Variants in COX10 observed in about 807,000 individuals in gnomAD.
COX10 encodes protoheme IX farnesyltransferase, mitochondrial.
Under a neutral mutation model 37.3 loss-of-function variants are expected in COX10, and 27 were observed. The ratio of observed to expected loss-of-function variants is 0.72; its 90% CI spans 0.53 to 1.00. COX10 has a LOEUF of 1.00. COX10 is among the 50% of genes least tolerant of loss of function. COX10 has a pLI of 0.00. For synonymous variants in COX10, 222 were observed against 229.1 expected (o/e 0.97, Z 0.28); for missense variants, 475 against 563.2 (o/e 0.84, Z 1.59).
At position 14,207,070 on chromosome 17, in the gene COX10, T is replaced by G. The variant is rs1158118060; in HGVS notation, c.1189T>G (p.Phe397Val). The stretch of plus-strand genomic sequence containing the variant: ...CAATGCGTACATCTCCTACCTCGGC[T>G]TCCGCTTCTACGTGGACGCAGACCG... The part of the protein sequence containing the change: ...PINAYISYLG[F>V]RFYVDADRRS... Residue 397 changes from phenylalanine (F) to valine (V), a missense_variant, in exon 7 of 7, where the codon TTC becomes GTC. Phe to Val is a conservative substitution (Grantham distance 50, BLOSUM62 -1). Coordinates refer to ENST00000261643, the MANE Select transcript of COX10 (RefSeq NM_001303.4). The G allele has an allele frequency of 1.2e-6, 2 of 1,614,092 alleles. No individual in the cohort carries two copies. Among genetic ancestry groups the G allele is most frequent in the Non-Finnish European group, 1.7e-6 (2 of 1,179,942 alleles).
chr17:14,105,978 T>A (rs761437870), intron 4 of COX10, among the ~76,000 whole-genome samples: 1 of 151,508 alleles, frequency 6.6e-6, no homozygotes, highest in South Asian at 2.1e-4. Context: ...GTCATGGACA[T>A]CTCGCCATGT....
intron 4 of COX10, among the ~76,000 whole-genome samples, chr17:14,122,783 C>G (rs980216500): frequency 6.6e-6 from 1 of 152,196 alleles, no homozygotes; most frequent in Non-Finnish European, 1.5e-5. Context: ...AGTACTGTTG[C>G]TTCAATAAAC....
chr17:14,207,069 C>A lies in COX10; in HGVS notation c.1188C>A (p.Gly396=), dbSNP rs1472420802. The change falls in exon 7 of 7, where the codon GGC becomes GGA. Residue 396 remains glycine (G), a synonymous_variant. Transcript: ENST00000261643. ...TCAATGCGTACATCTCCTACCTCGG[C>A]TTCCGCTTCTACGTGGACGCAGACC... ...LPINAYISYL[G]FRFYVDADRR... is the part of the protein sequence containing the mutation. The A allele has an allele frequency of 1.2e-6, 2 of 1,614,098 alleles. No individual in the cohort carries two copies. Among genetic ancestry groups the A allele is most frequent in the Middle Eastern group, 1.6e-4 (1 of 6,062 alleles).
chr17:14,188,509 C>T (rs995354684), intron 5 of COX10, among the ~76,000 whole-genome samples: 63 of 151,650 alleles, frequency 4.2e-4, no homozygotes, highest in African/African-American at 1.5e-3. Flanking sequence ...ACCTAATCTC[C>T]ATCAAGGTCA....
In COX10 at chr17:14,069,598, C is replaced by A; in HGVS notation, c.-8C>A. ...GGATCCCGGGGAGCGGCCCCAGACT[C>A]GTAAATTATGGCCGCATCTCCGCAC... On this transcript the variant is annotated 5_prime_UTR_variant, in exon 1 of 7. Coordinates refer to ENST00000261643, the MANE Select transcript of COX10 (RefSeq NM_001303.4). 6.2e-7 allele frequency: 1 copy of A among 1,614,030 alleles called. No individual in the cohort carries two copies. Among genetic ancestry groups the A allele is most frequent in the Non-Finnish European group, 8.5e-7 (1 of 1,180,010 alleles).
intron 5 of COX10, among the ~76,000 whole-genome samples, chr17:14,172,883 G>A (rs1302801491): frequency 6.6e-6 from 1 of 152,092 alleles, no homozygotes; most frequent in Non-Finnish European, 1.5e-5. Context: ...TGTAGACACA[G>A]TGTCTCACTA....
chr17:14,160,524 G>T (rs189387498), intron 5 of COX10, among the ~76,000 whole-genome samples: 1 of 152,136 alleles, frequency 6.6e-6, no homozygotes. Context: ...TATATTACAA[G>T]CCTAGAAGAA....
At chr17:14,186,344 C>T (rs1308146092) in intron 5 of COX10, among the ~76,000 whole-genome samples, 3 of 152,058 alleles carry the variant, frequency 2.0e-5, no homozygotes, top group African/African-American at 7.3e-5. Context: ...ATATGTGGAA[C>T]ATAAACTTGC....
chr17:14,208,382 A>T lies in COX10; in HGVS notation c.*1169A>T, dbSNP rs1368065281. 1 of 152,110 alleles carries T rather than the reference A, an allele frequency of 6.6e-6. No individual in the cohort carries two copies. Among genetic ancestry groups the T allele is most frequent in the East Asian group, 1.9e-4 (1 of 5,188 alleles). 9.4% of individuals were successfully genotyped at this position (152,110 alleles called of 1,614,324 possible). ...TCTTGAAGCTTGACAGGATGTTTTCATTACTCAGTCTCCCAGGGCACTGCT... is the reference window on the plus strand; with the variant it reads ...TCTTGAAGCTTGACAGGATGTTTTCTTTACTCAGTCTCCCAGGGCACTGCT... On this transcript the variant is annotated 3_prime_UTR_variant, in exon 7 of 7. Transcript: ENST00000261643.
intron 4 of COX10, among the ~76,000 whole-genome samples, chr17:14,151,993 C>G (rs1904914727): frequency 1.3e-5 from 2 of 152,106 alleles, no homozygotes; most frequent in South Asian, 4.1e-4. Flanking sequence ...TTCCTGTTAA[C>G]ATTAAGAATT....
intron 4 of COX10, among the ~76,000 whole-genome samples, chr17:14,102,970 G>A (rs1915818407): frequency 6.6e-6 from 1 of 152,168 alleles, no homozygotes; most frequent in South Asian, 2.1e-4. Context: ...CAGGAAAACA[G>A]CTTGGCTGAG....
intron 3 of COX10, 107 bp downstream of exon 3, chr17:14,077,163 C>A: frequency 9.6e-7 from 1 of 1,039,422 alleles, no homozygotes; most frequent in East Asian, 2.6e-5. Context: ...ACTGCAGGTC[C>A]TGTCTTAGTA....
At chr17:14,177,268 G>A in intron 5 of COX10, 1 of 726,014 alleles carries the variant, frequency 1.4e-6, no homozygotes, top group South Asian at 1.4e-5. Flanking sequence ...AGTGTGCCAA[G>A]CATTTACTTT....
intron 5 of COX10, among the ~76,000 whole-genome samples, chr17:14,169,234 G>A (rs904985918): frequency 5.9e-5 from 9 of 152,216 alleles, no homozygotes; most frequent in Non-Finnish European, 1.3e-4. Flanking sequence ...AGCATAGCAA[G>A]AGTGACCTTT....
At chr17:14,123,586 G>A (rs1192705119) in intron 4 of COX10, among the ~76,000 whole-genome samples, 1 of 152,156 alleles carries the variant, frequency 6.6e-6, no homozygotes, top group Non-Finnish European at 1.5e-5. Context: ...ATAAAATTAG[G>A]AAGGCAGTTT....
At chr17:14,151,650 C>T in intron 4 of COX10, among the ~76,000 whole-genome samples, 1 of 151,914 alleles carries the variant, frequency 6.6e-6, no homozygotes, top group South Asian at 2.1e-4. Context: ...ATTTAAATCA[C>T]TTGATTTGTA....
At chr17:14,191,746 C>A (rs1906206886) in intron 5 of COX10, among the ~76,000 whole-genome samples, 1 of 152,226 alleles carries the variant, frequency 6.6e-6, no homozygotes, top group Admixed American at 6.5e-5. Flanking sequence ...CTAATCCTGA[C>A]TCTCTTAACC....
intron 5 of COX10, among the ~76,000 whole-genome samples, chr17:14,164,619 C>T (rs1905238239): frequency 6.6e-6 from 1 of 152,056 alleles, no homozygotes; most frequent in African/African-American, 2.4e-5. Context: ...GGGATTATGG[C>T]GTTCTGTTGA....
chr17:14,088,108 C>T (rs1224195622), intron 3 of COX10, among the ~76,000 whole-genome samples: 2 of 152,150 alleles, frequency 1.3e-5, no homozygotes, highest in African/African-American at 2.4e-5. Flanking sequence ...TGCTCCTTAC[C>T]AGGAAGGAAT....
Sources: gnomAD v4.1 joint callset for allele counts (sites outside exome capture counted in the v4.1 genomes callset) on GRCh38, gnomAD v4.1.1 for gene constraint, MANE v1.5 for transcripts, NCBI Gene and HGNC (gene_info 2026-07-23, HGNC 2026-07-21) for gene names.